The following PLPP3 variants were observed in gnomAD, a reference collection of about 807,000 sequenced individuals.
The protein encoded by PLPP3 is PAP2 beta.
In PLPP3, 6 loss-of-function variants were observed where a neutral mutation model predicts 29.6. The ratio of observed to expected loss-of-function variants is 0.20; its 90% confidence interval spans 0.11 to 0.40. The LOEUF (loss-of-function observed/expected upper bound fraction) is 0.40, where lower values mean the gene tolerates loss of function less well. Ranked by LOEUF, PLPP3 falls within the 10% of genes least tolerant of loss-of-function variation. The probability of loss-of-function intolerance (pLI) is 1.00; values close to 1 mark genes in which losing one functional copy is unlikely to be tolerated. For missense variants in PLPP3, 308 were observed against 407.7 expected (o/e 0.76, Z 2.11); for synonymous variants, 152 against 159.7 (o/e 0.95, Z 0.36).
intron 1 of PLPP3, among the ~76,000 whole-genome samples, chr1:56,557,005 A>AGAAG (rs1557513481): frequency 4.7e-4 from 3 of 6,318 alleles, no homozygotes; most frequent in African/African-American, 1.5e-3. Context: ...AAAGAAAGAA[A>AGAAG]GAAAGAGAGA....
At chr1:56,577,943 A>C (rs964007642) in intron 1 of PLPP3, among the ~76,000 whole-genome samples, 1 of 151,460 alleles carries the variant, frequency 6.6e-6, no homozygotes, top group Admixed American at 6.6e-5. Flanking sequence ...AAAAAATCCT[A>C]GGCTGACTTC....
In PLPP3 at chr1:56,579,218, C is replaced by A. The variant is rs540133056; in HGVS notation, c.-202G>T. 2.2e-4 allele frequency: 128 copies of A among 592,852 alleles called. No homozygotes were observed. Among genetic ancestry groups the A allele is most frequent in the Non-Finnish European group, 3.4e-4 (121 of 357,754 alleles). The allele number at this position is 592,852 out of a possible 1,614,324, so 36.7% of individuals were successfully genotyped here. On this transcript the variant is annotated 5_prime_UTR_variant, in exon 1 of 6. Coordinates refer to ENST00000371250, the MANE Select transcript of PLPP3 (RefSeq NM_003713.5). ...GGTGGTGTTTTCTGCTCCTCCTGCG[C>A]GCCTCTGCTTTCCTCTGTCAACCCT...
chr1:56,511,373 G>A (rs1351733374), intron 5 of PLPP3, among the ~76,000 whole-genome samples: 1 of 152,146 alleles, frequency 6.6e-6, no homozygotes, highest in Non-Finnish European at 1.5e-5. Flanking sequence ...TCTGTGACTC[G>A]ATGTACGAGG....
At chr1:56,529,667 C>G (rs1009929419) in intron 2 of PLPP3, among the ~76,000 whole-genome samples, 1 of 152,144 alleles carries the variant, frequency 6.6e-6, no homozygotes, top group Non-Finnish European at 1.5e-5. Context: ...CCATCTACTG[C>G]AATAAAGTGC....
chr1:56,528,297 C>T (rs889581418), intron 2 of PLPP3, among the ~76,000 whole-genome samples: 3 of 152,172 alleles, frequency 2.0e-5, no homozygotes, highest in African/African-American at 7.2e-5. Context: ...GAGAGGTTGG[C>T]TCCAACTGCA....
At chr1:56,577,890 G>A (rs1646246710) in intron 1 of PLPP3, among the ~76,000 whole-genome samples, 3 of 151,662 alleles carry the variant, frequency 2.0e-5, no homozygotes, top group South Asian at 4.2e-4. Context: ...CTGATGACAA[G>A]TACTGTGCGT....
At chr1:56,527,884 G>A (rs910111605) in intron 2 of PLPP3, among the ~76,000 whole-genome samples, 1 of 152,060 alleles carries the variant, frequency 6.6e-6, no homozygotes, top group East Asian at 1.9e-4. Context: ...CCTAACTCTC[G>A]AGTCCCAGAT....
At chr1:56,539,585 C>T (rs1224273238) in intron 1 of PLPP3, among the ~76,000 whole-genome samples, 17 of 148,968 alleles carry the variant, frequency 1.1e-4, no homozygotes, top group Non-Finnish European at 4.4e-5. Context: ...TGTGCCTGAC[C>T]TTCTCAAAGT....
At chr1:56,539,832 T>C (rs756442102) in intron 1 of PLPP3, among the ~76,000 whole-genome samples, 11 of 152,206 alleles carry the variant, frequency 7.2e-5, no homozygotes, top group African/African-American at 1.2e-4. Flanking sequence ...GCCAGCAGTA[T>C]GATATTATTA....
chr1:56,530,719 T>G (rs1645882516), intron 2 of PLPP3, among the ~76,000 whole-genome samples: 1 of 87,104 alleles, frequency 1.1e-5, no homozygotes, highest in African/African-American at 5.0e-5. Context: ...CTCATCAACC[T>G]CTAGCCAATT....
intron 1 of PLPP3, among the ~76,000 whole-genome samples, chr1:56,541,393 A>G (rs1245628378): frequency 6.6e-6 from 1 of 152,216 alleles, no homozygotes; most frequent in Non-Finnish European, 1.5e-5. Flanking sequence ...AATAGGTAAC[A>G]TTTACTAAAC....
At chr1:56,543,185 C>T (rs114455337) in intron 1 of PLPP3, among the ~76,000 whole-genome samples, 3,916 of 152,190 alleles carry the variant, frequency 0.026, 60 homozygotes, top group South Asian at 0.095. Context: ...ATTTGGACCA[C>T]CTATTCAAAA....
intron 1 of PLPP3, among the ~76,000 whole-genome samples, chr1:56,549,737 A>G (rs1315645425): frequency 6.6e-6 from 1 of 152,178 alleles, no homozygotes; most frequent in Non-Finnish European, 1.5e-5. Flanking sequence ...GACTTCAAAG[A>G]TGCTCATTTA....
At chr1:56,507,405 G>T (rs1012484536) in intron 5 of PLPP3, among the ~76,000 whole-genome samples, 1 of 152,214 alleles carries the variant, frequency 6.6e-6, no homozygotes, top group African/African-American at 2.4e-5. Flanking sequence ...ACCCAATGCT[G>T]ATGAAGCACC....
intron 1 of PLPP3, among the ~76,000 whole-genome samples, chr1:56,568,176 C>T (rs1171671086): frequency 2.0e-5 from 3 of 151,876 alleles, no homozygotes; most frequent in Admixed American, 6.6e-5. Context: ...TAGTGGGTAT[C>T]GTTTCTTTTT....
At chr1:56,573,682 T>C (rs1325568590) in intron 1 of PLPP3, among the ~76,000 whole-genome samples, 3 of 152,172 alleles carry the variant, frequency 2.0e-5, no homozygotes. Context: ...ACTGGTGTAA[T>C]AGGCAACCCC....
At chr1:56,503,620 T>C (rs1001122638) in intron 5 of PLPP3, among the ~76,000 whole-genome samples, 1 of 152,006 alleles carries the variant, frequency 6.6e-6, no homozygotes, top group African/African-American at 2.4e-5. Flanking sequence ...ACCTGGGAGA[T>C]GGAGGTTGTG....
chr1:56,548,194 C>T (rs1195586088), intron 1 of PLPP3, among the ~76,000 whole-genome samples: 2 of 152,322 alleles, frequency 1.3e-5, no homozygotes, highest in East Asian at 3.9e-4. Flanking sequence ...TGGGAGCACA[C>T]TCCCCATTCC....
At chr1:56,508,060 T>C (rs1053368134) in intron 5 of PLPP3, among the ~76,000 whole-genome samples, 2 of 152,190 alleles carry the variant, frequency 1.3e-5, no homozygotes, top group African/African-American at 4.8e-5. Context: ...CTTCCAGAAC[T>C]GTAAGAAAAG....
Sources: allele counts gnomAD v4.1 joint callset (sites outside exome capture counted in the v4.1 genomes callset), GRCh38; gene constraint gnomAD v4.1.1; transcripts MANE v1.5; gene names NCBI Gene and HGNC (gene_info 2026-07-23, HGNC 2026-07-21).